The following ATP2B2 variants were observed in gnomAD, a reference collection of about 807,000 sequenced individuals.
ATP2B2 encodes ATPase plasma membrane Ca2+ transporting 2, also known as plasma membrane calcium-transporting ATPase 2.
A neutral mutation model predicts 120.0 loss-of-function variants in ATP2B2; 15 were observed. The observed-to-expected ratio is 0.12, with a 90% CI of 0.08 to 0.19. The LOEUF is 0.19. Among genes scored for constraint, ATP2B2 ranks in the 10% least tolerant of loss-of-function variants. ATP2B2 has a pLI of 1.00. For missense variants in ATP2B2, 1,045 were observed against 1,719.8 expected (o/e 0.61, Z 6.94); for synonymous variants, 694 against 700.3 (o/e 0.99, Z 0.14).
intron 22 of ATP2B2, among the ~76,000 whole-genome samples, chr3:10,333,264 C>T (rs1485654995): frequency 6.6e-6 from 1 of 152,148 alleles, no homozygotes; most frequent in African/African-American, 2.4e-5. Context: ...CATGGGCAGC[C>T]TCCTCTGCTG....
At chr3:10,435,072 A>T (rs550946693) in intron 2 of ATP2B2, among the ~76,000 whole-genome samples, 1 of 152,356 alleles carries the variant, frequency 6.6e-6, no homozygotes, top group African/African-American at 2.4e-5. Flanking sequence ...GGTCTCATCC[A>T]GGCCTGCCTT....
At position 10,340,384 on chromosome 3, in the gene ATP2B2, G is replaced by A. The variant is rs376781092; in HGVS notation, c.3130-35C>T. 1.8e-5 allele frequency: 29 copies of A among 1,613,178 alleles called. No individual in the cohort carries two copies. The African/African-American group carries it at 2.9e-4, about 16-fold the overall frequency. On this transcript the variant is annotated intron_variant, in intron 20 of 22. Transcript: ENST00000360273. This position sits in a 1 kb window ranked among gnomAD's most constrained non-coding sequence, Gnocchi z 5.0. ...ACAGGGGAGCAGAGAAAGAGAGAGA[G>A]AGAGGCCATCAGGGACCAGCACAGA...
intron 1 of ATP2B2, among the ~76,000 whole-genome samples, chr3:10,644,853 T>C (rs1323868593): frequency 7.2e-5 from 11 of 152,346 alleles, no homozygotes; most frequent in Admixed American, 6.5e-5. Context: ...AAAGTACTAA[T>C]TGCCACTGAA....
intron 1 of ATP2B2, among the ~76,000 whole-genome samples, chr3:10,472,326 G>C (rs1197546180): frequency 2.6e-5 from 4 of 152,064 alleles, no homozygotes; most frequent in Admixed American, 6.5e-5. Flanking sequence ...AAGATGAGTT[G>C]GGTCTCAGGA....
chr3:10,350,689 T>A, intron 14 of ATP2B2, 112 bp from the exon 15 acceptor site: 1 of 1,155,812 alleles, frequency 8.7e-7, no homozygotes, highest in Non-Finnish European at 1.2e-6. Context: ...GAAAGGGGAC[T>A]AGATGACTAT....
At position 10,388,248 on chromosome 3, in the gene ATP2B2, C is replaced by G. The variant is rs1337602103; in HGVS notation, c.907+29G>C. 3.1e-6 allele frequency: 5 copies of G among 1,614,026 alleles called. No homozygotes were observed. The South Asian group carries it at 4.4e-5, about 14-fold the overall frequency. The stretch of plus-strand genomic sequence containing the variant: ...AAAAAATGTGGCCTTAAGAGCTCCT[C>G]TCCTGGTCTGCAAGGGGATTAGGCT... On this transcript the variant is annotated intron_variant, in intron 6 of 22. Transcript: ENST00000360273.
At chr3:10,615,275 G>A (rs1274355757) in intron 2 of ATP2B2, among the ~76,000 whole-genome samples, 2 of 152,212 alleles carry the variant, frequency 1.3e-5, no homozygotes, top group Non-Finnish European at 2.9e-5. Flanking sequence ...AGGGACAGGT[G>A]TAGGAGCGGG....
At chr3:10,696,670 T>C (rs73028129) in intron 1 of ATP2B2, among the ~76,000 whole-genome samples, 5,957 of 152,238 alleles carry the variant, frequency 0.039, 123 homozygotes, top group South Asian at 0.12. Context: ...CTGATCCCTT[T>C]AGTCATTGCA....
At chr3:10,420,773 T>C (rs2062951063) in intron 2 of ATP2B2, among the ~76,000 whole-genome samples, 1 of 152,240 alleles carries the variant, frequency 6.6e-6, no homozygotes, top group Admixed American at 6.5e-5. Context: ...TGACTAATAT[T>C]AGCTGCTATT....
intron 1 of ATP2B2, among the ~76,000 whole-genome samples, chr3:10,503,378 G>T (rs1265186382): frequency 6.6e-6 from 1 of 152,212 alleles, no homozygotes; most frequent in African/African-American, 2.4e-5. Context: ...TCCAACTTTG[G>T]GCAGCCTTCT....
chr3:10,344,111 C>T (rs1248113070), intron 18 of ATP2B2, among the ~76,000 whole-genome samples: 1 of 152,094 alleles, frequency 6.6e-6, no homozygotes, highest in Non-Finnish European at 1.5e-5. Flanking sequence ...CTCCCCTTGC[C>T]CCCGTCCTCC....
chr3:10,437,781 T>C (rs892827709), intron 2 of ATP2B2, among the ~76,000 whole-genome samples: 1 of 152,174 alleles, frequency 6.6e-6, no homozygotes, highest in Non-Finnish European at 1.5e-5. Context: ...ATAGAGTCAT[T>C]GTAGAGATAG....
chr3:10,688,008 T>A (rs1239365308), intron 1 of ATP2B2, among the ~76,000 whole-genome samples: 1 of 152,210 alleles, frequency 6.6e-6, no homozygotes, highest in Non-Finnish European at 1.5e-5. Context: ...ATATTATATA[T>A]ATAAAATACA....
At chr3:10,433,908 T>G (rs2063398420) in intron 2 of ATP2B2, among the ~76,000 whole-genome samples, 1 of 152,184 alleles carries the variant, frequency 6.6e-6, no homozygotes, top group South Asian at 2.1e-4. Context: ...TTTTTTTTTC[T>G]GGACCCCTGG....
intron 1 of ATP2B2, among the ~76,000 whole-genome samples, chr3:10,629,068 G>A (rs966198802): frequency 6.6e-6 from 1 of 152,178 alleles, no homozygotes; most frequent in Non-Finnish European, 1.5e-5. Context: ...GGGCACAGCC[G>A]GGCCTTCTGG....
intron 2 of ATP2B2, among the ~76,000 whole-genome samples, chr3:10,605,939 A>G (rs7648264): frequency 0.89 from 135,680 of 152,044 alleles, 60,587 homozygotes; most frequent in Middle Eastern, 0.96. Flanking sequence ...GTGAGCCACC[A>G]TGCCCAGCCC....
At chr3:10,672,706 T>G (rs1384269706) in intron 1 of ATP2B2, among the ~76,000 whole-genome samples, 1 of 152,206 alleles carries the variant, frequency 6.6e-6, no homozygotes, top group Non-Finnish European at 1.5e-5. Context: ...TCATAAATTT[T>G]TATTAAAGGT....
intron 1 of ATP2B2, among the ~76,000 whole-genome samples, chr3:10,671,470 G>A (rs1179453246): frequency 1.3e-5 from 2 of 152,120 alleles, no homozygotes; most frequent in Non-Finnish European, 1.5e-5. Context: ...CCCAGTTTCA[G>A]CCCCGAAATC....
chr3:10,401,025 C>T lies in ATP2B2; in HGVS notation c.709G>A (p.Asp237Asn). Reference sequence around the variant, plus strand: ...GACTCTCCAGTTAGGGAGCTTTCATCAATCTTGAGGTCATTGCCCTGGATG... The same window carrying T: ...GACTCTCCAGTTAGGGAGCTTTCATTAATCTTGAGGTCATTGCCCTGGATG... The part of the protein sequence containing the change: ...LFIQGNDLKI[D>N]ESSLTGESDQ... Residue 237 changes from aspartate (D) to asparagine (N), a missense_variant, in exon 5 of 23, where the codon GAT becomes AAT. Physicochemically the swap from Asp to Asn is conservative, Grantham distance 23 (BLOSUM62 1). Coordinates refer to ENST00000360273, the MANE Select transcript of ATP2B2 (RefSeq NM_001001331.4). 1 of 1,614,180 alleles carries T rather than the reference C, an allele frequency of 6.2e-7. No homozygotes were observed. Among genetic ancestry groups the T allele is most frequent in the Non-Finnish European group, 8.5e-7 (1 of 1,180,022 alleles).
Sources: gnomAD v4.1 joint callset for allele counts (sites outside exome capture counted in the v4.1 genomes callset) on GRCh38, gnomAD v4.1.1 for gene constraint, Gnocchi (gnomAD v3.1) non-coding constraint, MANE v1.5 for transcripts, NCBI Gene and HGNC (gene_info 2026-07-23, HGNC 2026-07-21) for gene names.